ATP13A4: variants seen among roughly 807,000 people sequenced by gnomAD.
ATP13A4 encodes probable cation-transporting ATPase 13A4.
Under a neutral mutation model 142.5 loss-of-function variants are expected in ATP13A4, and 114 were observed. The observed-to-expected ratio is 0.80, with a 90% CI of 0.69 to 0.93. ATP13A4 has a LOEUF of 0.93. Among genes scored for constraint, ATP13A4 ranks in the 40% least tolerant of loss-of-function variants. The pLI is 0.00. For missense variants in ATP13A4, 1,392 were observed against 1,454.0 expected, an observed-to-expected ratio of 0.96 and a Z score of 0.69; for synonymous variants, 488 against 514.8, an observed-to-expected ratio of 0.95 and a Z score of 0.70.
At chr3:193,450,701 T>A (rs1490749521) in intron 17 of ATP13A4, among the ~76,000 whole-genome samples, 4 of 152,204 alleles carry the variant, frequency 2.6e-5, no homozygotes, top group Non-Finnish European at 5.9e-5. Flanking sequence ...TGAACCTCTA[T>A]GGCAGACGCA....
intron 2 of ATP13A4, among the ~76,000 whole-genome samples, chr3:193,580,213 G>A (rs1478929972): frequency 6.6e-6 from 1 of 152,156 alleles, no homozygotes; most frequent in Non-Finnish European, 1.5e-5. Flanking sequence ...ATTGACTACT[G>A]AAAGTGGATT....
At chr3:193,474,508 T>C (rs992055645) in intron 8 of ATP13A4, among the ~76,000 whole-genome samples, 12 of 146,342 alleles carry the variant, frequency 8.2e-5, no homozygotes, top group Non-Finnish European at 1.3e-4. Flanking sequence ...TGCACTCCAG[T>C]TGGGCAACAG....
intron 2 of ATP13A4, among the ~76,000 whole-genome samples, chr3:193,506,742 C>A (rs4687442): frequency 0.98 from 149,450 of 152,236 alleles, 73,369 homozygotes; most frequent in East Asian, 1. Context: ...TTATCACGAG[C>A]TCTGATGGCT....
chr3:193,470,879 A>G lies in ATP13A4; in HGVS notation c.923T>C (p.Val308Ala), dbSNP rs1246303168. ...TGTACCTGTCAGCATGCCTTCATCC[A>G]CCACACAGCTGCCTTCAATCAGAAC... is the stretch of plus-strand genomic sequence containing the variant. Reference protein sequence around the residue: ...DAVLIEGSCVVDEGMLTGESI... With the variant: ...DAVLIEGSCVADEGMLTGESI... Residue 308 changes from valine (V) to alanine (A), a missense_variant, in exon 9 of 30, where the codon GTG (valine) becomes GCG (alanine). Coordinates refer to ENST00000342695, the MANE Select transcript of ATP13A4 (RefSeq NM_032279.4). 6.2e-7 allele frequency: 1 copy of G among 1,614,000 alleles called. No individual in the cohort carries two copies. The highest frequency in any genetic ancestry group is 8.5e-7 in the Non-Finnish European group (1 of 1,180,042).
chr3:193,422,925 A>C (rs190342018), intron 25 of ATP13A4, among the ~76,000 whole-genome samples: 39 of 149,838 alleles, frequency 2.6e-4, no homozygotes, highest in Non-Finnish European at 5.5e-4. Flanking sequence ...AAAGATAAGC[A>C]AAACAGAGTT....
At chr3:193,407,548 T>G (rs1268942317) in intron 28 of ATP13A4, among the ~76,000 whole-genome samples, 155 bp from the exon 29 acceptor site, 1 of 152,136 alleles carries the variant, frequency 6.6e-6, no homozygotes, top group Admixed American at 6.6e-5. Context: ...AAAAAATTTC[T>G]ATGCTTGTAT....
At chr3:193,476,978 G>C (rs906052981) in intron 8 of ATP13A4, among the ~76,000 whole-genome samples, 1 of 152,008 alleles carries the variant, frequency 6.6e-6, no homozygotes, top group Non-Finnish European at 1.5e-5. Context: ...GTGACACAGA[G>C]ATATGAAGAC....
At chr3:193,496,271 T>C (rs1560232380) in intron 3 of ATP13A4, among the ~76,000 whole-genome samples, 1 of 151,936 alleles carries the variant, frequency 6.6e-6, no homozygotes, top group African/African-American at 2.4e-5. Context: ...CCAAAGCAAA[T>C]AGAGCAAAAA....
chr3:193,478,449 A>C (rs1389397688), intron 8 of ATP13A4, among the ~76,000 whole-genome samples: 1 of 152,058 alleles, frequency 6.6e-6, no homozygotes, highest in Non-Finnish European at 1.5e-5. Flanking sequence ...AGATATTACA[A>C]CTGATAACAC....
intron 1 of ATP13A4, among the ~76,000 whole-genome samples, chr3:193,535,131 C>T (rs904072497): frequency 2.6e-5 from 4 of 152,072 alleles, no homozygotes; most frequent in Non-Finnish European, 4.4e-5. Context: ...AACAACTAAG[C>T]AGAAAATTAA....
Position 193,463,032 on chromosome 3 carries a change from G to A in ATP13A4, c.1462-209C>T, listed in dbSNP as rs192312946. ...CCCATAGCGAAGACTCCGTAGTGCAGATAAATAAGGTATTTTTGTAATGAG... is the reference window on the plus strand; with the variant it reads ...CCCATAGCGAAGACTCCGTAGTGCAAATAAATAAGGTATTTTTGTAATGAG... On this transcript the variant is annotated intron_variant, in intron 12 of 29. Coordinates refer to ENST00000342695, the MANE Select transcript of ATP13A4 (RefSeq NM_032279.4). Among the ~76,000 whole-genome samples, 48 of 151,534 alleles carry A rather than the reference G, an allele frequency of 3.2e-4. No homozygotes were observed. In the East Asian group the frequency reaches 9.1e-3, roughly 29 times the overall value.
intron 10 of ATP13A4, among the ~76,000 whole-genome samples, chr3:193,466,563 C>A (rs1718300792): frequency 6.6e-6 from 1 of 152,240 alleles, no homozygotes; most frequent in Non-Finnish European, 1.5e-5. Context: ...ACTCACTTTT[C>A]TAATACTTTG....
rs189697975 is a variant in ATP13A4, at chr3:193,582,215, C to T, written n.92-309G>A. On this transcript the variant is annotated intron_variant and non_coding_transcript_variant, in intron 1 of 3. Coordinates refer to the ATP13A4 transcript ENST00000489140. Reference sequence around the variant, plus strand: ...CCAGGCTGGAGTGCAATGGCATGATCTCAGCTCACTGCAACCTCCCCCTCC... The same window carrying T: ...CCAGGCTGGAGTGCAATGGCATGATTTCAGCTCACTGCAACCTCCCCCTCC... Among the ~76,000 whole-genome samples the T allele has an allele frequency of 5.0e-3, 727 of 144,134 alleles. 5 individuals are homozygous for T. The highest frequency in any genetic ancestry group is 0.018 in the African/African-American group (704 of 39,612). 94.6% of individuals were successfully genotyped at this position (144,134 alleles called of 152,430 possible). A position where few individuals can be genotyped will look rare whatever the true frequency, so the allele number is the denominator to read the frequency against.
rs537086074 is a variant in ATP13A4, at chr3:193,462,644, A to G, written c.1523+118T>C. ...GAAGTTAAAAGAAGATACTTTGGCA[A>G]TCATTGTCCACCAAAGCCAAAGTCC... On this transcript the variant is annotated intron_variant, in intron 13 of 29. Transcript: ENST00000342695. 8.6e-5 allele frequency: 81 copies of G among 938,414 alleles called. No homozygotes were observed. In the African/African-American group the frequency reaches 1.2e-3, roughly 13 times the overall value. The allele number at this position is 938,414 out of a possible 1,614,324, so 58.1% of individuals were successfully genotyped here. A position where few individuals can be genotyped will look rare whatever the true frequency, so the allele number is the denominator to read the frequency against.
intron 22 of ATP13A4, 105 bp downstream of exon 22, chr3:193,438,918 T>C: frequency 8.2e-7 from 1 of 1,224,114 alleles, no homozygotes; most frequent in Non-Finnish European, 1.2e-6. Context: ...AGGGCTCGAG[T>C]ATAAATGAAT....
Position 193,494,505 on chromosome 3 carries a change from AAAC to A in ATP13A4, c.382-1348_382-1346del, listed in dbSNP as rs141116053. On this transcript the variant is annotated intron_variant, in intron 3 of 29. Coordinates refer to ENST00000342695, the MANE Select transcript of ATP13A4 (RefSeq NM_032279.4). ...GAAACTCTGCAAATACATACAAATT[AAAC>A]AACATGCTCCTGAACAACCAATTGG... Among the ~76,000 whole-genome samples the A allele has an allele frequency of 4.4e-3, 670 of 152,204 alleles. 6 individuals carry two copies. The highest frequency in any genetic ancestry group is 0.015 in the African/African-American group (626 of 41,568).
At chr3:193,538,876 T>C (rs1426388941) in intron 1 of ATP13A4, among the ~76,000 whole-genome samples, 6 of 150,550 alleles carry the variant, frequency 4.0e-5, no homozygotes, top group African/African-American at 1.5e-4. Flanking sequence ...TATTTTTCTT[T>C]CTTTCTTGGT....
intron 1 of ATP13A4, among the ~76,000 whole-genome samples, chr3:193,530,348 G>A (rs1722250231): frequency 6.6e-6 from 1 of 152,076 alleles, no homozygotes; most frequent in Admixed American, 6.6e-5. Context: ...TCCTCAGTCA[G>A]AACTAGGTAC....
intron 2 of ATP13A4, 131 bp downstream of exon 2, chr3:193,514,566 GA>G: frequency 8.4e-7 from 1 of 1,193,824 alleles, no homozygotes; most frequent in Non-Finnish European, 1.2e-6. Context: ...AGGCTGTGAT[GA>G]AACCTAAGGA....
Sources: gnomAD v4.1 joint callset for allele counts (sites outside exome capture counted in the v4.1 genomes callset) on GRCh38, gnomAD v4.1.1 for gene constraint, MANE v1.5 for transcripts, NCBI Gene and HGNC (gene_info 2026-07-23, HGNC 2026-07-21) for gene names.